Variants in MAP3K20 observed in about 807,000 individuals in gnomAD.
The protein encoded by MAP3K20 is mitogen-activated protein kinase kinase kinase 20.
MAP3K20 carries 40 observed loss-of-function variants against 85.7 expected under a neutral mutation model. That is an observed-to-expected ratio of 0.47 (90% CI 0.36 to 0.61). MAP3K20 has a LOEUF of 0.61. Among genes scored for constraint, MAP3K20 ranks in the 20% least tolerant of loss-of-function variants. The probability of loss-of-function intolerance (pLI) is 0.00; values close to 1 mark genes in which losing one functional copy is unlikely to be tolerated. For missense variants in MAP3K20, 817 were observed against 961.7 expected, an observed-to-expected ratio of 0.85 and a Z score of 1.99; for synonymous variants, 325 against 327.7, an observed-to-expected ratio of 0.99 and a Z score of 0.09.
At chr2:173,252,648 T>C (rs1300744065) in intron 16 of MAP3K20, among the ~76,000 whole-genome samples, 1 of 152,228 alleles carries the variant, frequency 6.6e-6, no homozygotes, top group Non-Finnish European at 1.5e-5. Context: ...GCAAAAGCAC[T>C]TCCCAGTGCC....
At chr2:173,229,665 AT>A (rs746278832) in intron 11 of MAP3K20, 23 bp from the exon 12 acceptor site, 1 of 1,605,276 alleles carries the variant, frequency 6.2e-7, no homozygotes, top group Non-Finnish European at 8.5e-7. Context: ...TTTTTTTTTC[AT>A]TTCATGCATA....
chr2:173,174,439 T>A (rs923617563), intron 3 of MAP3K20, among the ~76,000 whole-genome samples: 1 of 152,224 alleles, frequency 6.6e-6, no homozygotes, highest in Non-Finnish European at 1.5e-5. Flanking sequence ...CTCGCACTTA[T>A]GAGTGAGAAC....
chr2:173,227,658 G>T (rs544417422), intron 11 of MAP3K20, among the ~76,000 whole-genome samples: 273 of 152,242 alleles, frequency 1.8e-3, no homozygotes, highest in Non-Finnish European at 2.2e-3. Context: ...AAAGATTCTG[G>T]TTGTGATTAG....
At chr2:173,220,998 T>C (rs1371004607) in intron 11 of MAP3K20, 2 of 593,358 alleles carry the variant, frequency 3.4e-6, no homozygotes, top group Non-Finnish European at 2.5e-6. Context: ...AATCTGCCAT[T>C]AAATAAATTC....
In MAP3K20 at chr2:173,097,140, G is replaced by T. The variant is rs1465692472; in HGVS notation, c.159+5950G>T. On this transcript the variant is annotated intron_variant, in intron 2 of 19. Transcript: ENST00000375213. ...TCACGCCTGTAATCCCAACAATTTG[G>T]GAGGCCGAGGCGGGCGGATCACGAG... Among the ~76,000 whole-genome samples, 5 of 152,316 alleles carry T rather than the reference G, an allele frequency of 3.3e-5. No individual in the cohort carries two copies. The East Asian group carries it at 9.6e-4, about 29-fold the overall frequency.
intron 2 of MAP3K20, among the ~76,000 whole-genome samples, chr2:173,107,809 T>C (rs889664856): frequency 1.3e-5 from 2 of 152,162 alleles, no homozygotes; most frequent in African/African-American, 2.4e-5. Flanking sequence ...GTAATCTGGG[T>C]AAGTACAGTG....
chr2:173,237,450 A>G (rs748887450), intron 14 of MAP3K20, among the ~76,000 whole-genome samples: 2 of 152,092 alleles, frequency 1.3e-5, no homozygotes, highest in Non-Finnish European at 2.9e-5. Context: ...TGAACACCCA[A>G]TAAGTGTTCA....
At chr2:173,211,287 T>C (rs1173207416) in intron 10 of MAP3K20, 1 of 152,166 alleles carries the variant, frequency 6.6e-6, no homozygotes, top group African/African-American at 2.4e-5. Flanking sequence ...ACCAGAATAC[T>C]TAAGAAGACT....
At chr2:173,144,230 A>G (rs1191188732) in intron 2 of MAP3K20, among the ~76,000 whole-genome samples, 8 of 151,990 alleles carry the variant, frequency 5.3e-5, no homozygotes, top group African/African-American at 1.4e-4. Flanking sequence ...TTGGGAGGCC[A>G]AGGTGGGCAG....
At chr2:173,212,278 C>T (rs552363346) in intron 10 of MAP3K20, 14 of 152,210 alleles carry the variant, frequency 9.2e-5, no homozygotes, top group Non-Finnish European at 1.3e-4. Flanking sequence ...ATGTGGAGCT[C>T]TCCAGCCCGA....
chr2:173,160,037 G>A (rs951923512), intron 2 of MAP3K20: 2 of 152,050 alleles, frequency 1.3e-5, no homozygotes, highest in Non-Finnish European at 2.9e-5. Flanking sequence ...GAAATGACTG[G>A]TGTATTTTTT....
At chr2:173,261,329 C>G (rs1685286857) in intron 18 of MAP3K20, among the ~76,000 whole-genome samples, 192 bp downstream of exon 18, 1 of 152,162 alleles carries the variant, frequency 6.6e-6, no homozygotes, top group African/African-American at 2.4e-5. Flanking sequence ...GAAAAGAGAA[C>G]AGGATAAACT....
chr2:173,140,003 T>TTTTA (rs71018535), intron 2 of MAP3K20, among the ~76,000 whole-genome samples: 45,635 of 150,672 alleles, frequency 0.3, 8,454 homozygotes, highest in Non-Finnish European at 0.42. Flanking sequence ...CTATACTTAA[T>TTTTA]TTTATTTATT....
chr2:173,159,032 G>A (rs1177027021), intron 2 of MAP3K20, among the ~76,000 whole-genome samples: 3 of 152,208 alleles, frequency 2.0e-5, no homozygotes, highest in Non-Finnish European at 4.4e-5. Flanking sequence ...ACAATTTTGT[G>A]CAATCAAGTC....
At chr2:173,153,681 C>T (rs1689372093) in intron 2 of MAP3K20, among the ~76,000 whole-genome samples, 2 of 152,138 alleles carry the variant, frequency 1.3e-5, no homozygotes, top group Admixed American at 6.5e-5. Context: ...AGTCATTTCA[C>T]GGTATCTGCA....
intron 16 of MAP3K20, among the ~76,000 whole-genome samples, chr2:173,254,481 G>A (rs1685115717): frequency 6.6e-6 from 1 of 151,502 alleles, no homozygotes; most frequent in African/African-American, 2.4e-5. Flanking sequence ...CCCATTACCT[G>A]GTCCCTGCCA....
At chr2:173,223,139 G>A (rs905452883) in intron 11 of MAP3K20, 62 of 985,268 alleles carry the variant, frequency 6.3e-5, no homozygotes, top group Non-Finnish European at 7.1e-5. Context: ...ATAATGATCA[G>A]TATGCTGTGC....
intron 14 of MAP3K20, among the ~76,000 whole-genome samples, chr2:173,235,331 GGTT>G (rs1023540815): frequency 2.0e-4 from 31 of 152,316 alleles, no homozygotes; most frequent in African/African-American, 7.5e-4. Context: ...TTTGGGAACA[GGTT>G]GTTGTGATTG....
At position 173,109,786 on chromosome 2, in the gene MAP3K20, C is replaced by G. The variant is rs535012119; in HGVS notation, c.159+18596C>G. ...ACAAACAAAAAGTCTTCCTAAATTTCTCACTTTTCTTGTTGAGCCCGTTTG... is the reference window on the plus strand; with the variant it reads ...ACAAACAAAAAGTCTTCCTAAATTTGTCACTTTTCTTGTTGAGCCCGTTTG... On this transcript the variant is annotated intron_variant, in intron 2 of 19. Coordinates refer to ENST00000375213, the MANE Select transcript of MAP3K20 (RefSeq NM_016653.3). Among the ~76,000 whole-genome samples, 21 of 152,254 alleles carry G rather than the reference C, an allele frequency of 1.4e-4. No homozygotes were observed. The South Asian group carries it at 3.7e-3, about 27-fold the overall frequency.
Sources: allele counts gnomAD v4.1 joint callset (sites outside exome capture counted in the v4.1 genomes callset), GRCh38; gene constraint gnomAD v4.1.1; transcripts MANE v1.5; gene names NCBI Gene and HGNC (gene_info 2026-07-23, HGNC 2026-07-21).